Variants in SLC35B1 observed in about 807,000 individuals in gnomAD.
SLC35B1 encodes the protein solute carrier family 35 member B1, also known as ATP/ADP exchanger ER.
In SLC35B1, 27 loss-of-function variants were observed where a neutral mutation model predicts 36.6. The ratio of observed to expected loss-of-function variants is 0.74; its 90% CI spans 0.54 to 1.02. The LOEUF (loss-of-function observed/expected upper bound fraction) is 1.02, where lower values mean the gene tolerates loss of function less well. Among genes scored for constraint, SLC35B1 ranks in the 50% least tolerant of loss-of-function variants. The probability of loss-of-function intolerance (pLI) is 0.00; values close to 1 mark genes in which losing one functional copy is unlikely to be tolerated. For missense variants in SLC35B1, 321 were observed against 383.2 expected (o/e 0.84, Z 1.35); for synonymous variants, 162 against 152.5 (o/e 1.06, Z -0.46).
chr17:49,703,551 A>G (rs887423717), intron 6 of SLC35B1: 1 of 418,434 alleles, frequency 2.4e-6, no homozygotes, highest in African/African-American at 2.0e-5. Flanking sequence ...CTTCTACCAA[A>G]GTGATTACAA....
At chr17:49,705,640 G>T in intron 4 of SLC35B1, 1 of 609,756 alleles carries the variant, frequency 1.6e-6, no homozygotes, top group Non-Finnish European at 2.9e-6. Context: ...GGCTGACCAA[G>T]TGAAGCAGGC....
intron 1 of SLC35B1, 155 bp from the exon 2 acceptor site, chr17:49,707,223 G>C (rs1394731111): frequency 6.6e-6 from 9 of 1,358,912 alleles, no homozygotes; most frequent in Non-Finnish European, 8.9e-6. Context: ...TTGCAAAAGG[G>C]GCTGATTTTA....
At chr17:49,708,127 C>G, upstream of SLC35B1, 1 of 703,056 alleles carries the variant, frequency 1.4e-6, no homozygotes. Flanking sequence ...AGACTGATCC[C>G]TCGCCCTGGA....
chr17:49,703,135 G>C, intron 7 of SLC35B1, 53 bp downstream of exon 7: 27 of 1,587,874 alleles, frequency 1.7e-5, no homozygotes, highest in Non-Finnish European at 2.2e-5. Flanking sequence ...GTCTTTCTTA[G>C]GGAACCAGCT....
rs767643875 is a variant in SLC35B1, at chr17:49,705,183, T to C, written c.469A>G (p.Lys157Glu). 2 of 1,614,176 alleles carry C rather than the reference T, an allele frequency of 1.2e-6. No individual in the cohort carries two copies. Among genetic ancestry groups the C allele is most frequent in the Non-Finnish European group, 1.7e-6 (2 of 1,180,032 alleles). ...TCTATCCCAACAACTTTCTTGGGTT[T>C]GTACATGAAAAGGGCCACTCCAGCC... Reference protein sequence around the residue: ...IVAGVALFMYKPKKVVGIEEH... With the variant: ...IVAGVALFMYEPKKVVGIEEH... Residue 157 changes from lysine to glutamate, a missense_variant, in exon 5 of 9, where the codon AAA (lysine) becomes GAA (glutamate). Physicochemically the swap from Lys to Glu is moderately conservative, Grantham distance 56. Transcript: ENST00000240333.
rs2143647097 is a variant in SLC35B1, at chr17:49,702,892, G to A, written c.882C>T (p.Pro294=). The A allele has an allele frequency of 2.5e-6, 4 of 1,614,152 alleles. No individual in the cohort carries two copies. Among genetic ancestry groups the A allele is most frequent in the Non-Finnish European group, 1.7e-6 (2 of 1,180,022 alleles). The change falls in exon 8 of 9, where the codon CCC becomes CCT. Residue 294 remains proline (P), a synonymous_variant. Transcript: ENST00000240333. ...SVILFANPIS[P]MQWVGTVLVF... is the part of the protein sequence containing the mutation. ...CAAGCACAGTGCCCACCCACTGCAT[G>A]GGGCTGATGGGATTGGCGAAGAGGA... is the stretch of plus-strand genomic sequence containing the variant.
chr17:49,707,964 T>C lies in SLC35B1; in HGVS notation c.-131A>G. 6.5e-7 allele frequency: 1 copy of C among 1,544,030 alleles called. No individual in the cohort carries two copies. The highest frequency in any genetic ancestry group is 8.7e-7 in the Non-Finnish European group (1 of 1,143,362). ...CCTCATAGGAGCTGCATGCGACCGC[T>C]GTCCAGCAGGGCCCAGCAGTCACTA... On this transcript the variant is annotated 5_prime_UTR_variant, in exon 1 of 9. Coordinates refer to ENST00000240333, the MANE Select transcript of SLC35B1 (RefSeq NM_005827.4).
chr17:49,701,334 T>C lies in SLC35B1; in HGVS notation c.*124A>G. 2.7e-6 allele frequency: 2 copies of C among 751,492 alleles called. No individual in the cohort carries two copies. The highest frequency in any genetic ancestry group is 1.7e-5 in the South Asian group (1 of 57,456). 46.6% of individuals were successfully genotyped at this position (751,492 alleles called of 1,614,324 possible). On this transcript the variant is annotated 3_prime_UTR_variant, in exon 9 of 9. Transcript: ENST00000240333. ...TTTTAGAATATGTGATTTTGCTTGA[T>C]TTTATTTTATTAAAAAAGACTGGAA...
Position 49,702,839 on chromosome 17 carries a change from T to A in SLC35B1, c.916+19A>T, listed in dbSNP as rs2073367823. On this transcript the variant is annotated intron_variant, in intron 8 of 8. Transcript: ENST00000240333. ...GAGAAAAAATTCAGCTGTCACTGTG[T>A]CTCTGTGTGGCCACTTACCCAGGAA... 2.5e-6 allele frequency: 4 copies of A among 1,607,996 alleles called. No individual in the cohort carries two copies. The highest frequency in any genetic ancestry group is 1.7e-5 in the Admixed American group (1 of 59,576).
rs1165374445 is a variant in SLC35B1 at position 49,705,097 on chromosome 17, G to T, written c.528+27C>A. 3 of 1,611,992 alleles carry T rather than the reference G, an allele frequency of 1.9e-6. No individual in the cohort carries two copies. The African/African-American group carries it at 4.0e-5, about 22-fold the overall frequency. On this transcript the variant is annotated intron_variant, in intron 5 of 8. Coordinates refer to ENST00000240333, the MANE Select transcript of SLC35B1 (RefSeq NM_005827.4). ...CCTTTGGTTAAGTTTGCTGGAAAAG[G>T]GTGCCTTCCCCAACAGGATCTCATA...
At position 49,706,346 on chromosome 17, in the gene SLC35B1, C is replaced by CAAAAAAAAAAAAAAAA. The variant is rs61136804; in HGVS notation, c.209-28_209-13dup. On this transcript the variant is annotated splice_polypyrimidine_tract_variant and intron_variant, in intron 2 of 8. Coordinates refer to ENST00000240333, the MANE Select transcript of SLC35B1 (RefSeq NM_005827.4). ...AAAAAACTGGATCACTGGGAGAAGA[C>CAAAAAAAAAAAAAAAA]AAAAAAAAAAAAAAAAAAAGAAAAG... 7 of 733,608 alleles carry CAAAAAAAAAAAAAAAA rather than the reference C, an allele frequency of 9.5e-6. No individual in the cohort carries two copies. The highest frequency in any genetic ancestry group is 4.6e-5 in the South Asian group (1 of 21,782). 45.4% of individuals were successfully genotyped at this position (733,608 alleles called of 1,614,324 possible). A position where few individuals can be genotyped will look rare whatever the true frequency, so the allele number is the denominator to read the frequency against.
At chr17:49,701,892 C>T (rs1598007103) in intron 8 of SLC35B1, 1 of 375,576 alleles carries the variant, frequency 2.7e-6, no homozygotes, top group Non-Finnish European at 5.3e-6. Flanking sequence ...GAGTTTAAGG[C>T]CAGCCTAGGC....
At chr17:49,707,155 T>TAA in intron 1 of SLC35B1, 87 bp from the exon 2 acceptor site, 1 of 1,399,136 alleles carries the variant, frequency 7.1e-7, no homozygotes, top group Non-Finnish European at 1.0e-6. Flanking sequence ...CTGAAAACTT[T>TAA]AAAATTATCT....
intron 5 of SLC35B1, 108 bp downstream of exon 5, chr17:49,705,016 G>C: frequency 9.3e-7 from 1 of 1,074,720 alleles, no homozygotes; most frequent in Non-Finnish European, 1.4e-6. Flanking sequence ...GGGACAAGGA[G>C]CACCACAACC....
At chr17:49,708,126 C>G (rs1483227489), upstream of SLC35B1, 1 of 703,110 alleles carries the variant, frequency 1.4e-6, no homozygotes, top group African/African-American at 1.8e-5. Context: ...GAGACTGATC[C>G]CTCGCCCTGG....
At chr17:49,702,483 G>C (rs2073363253) in intron 8 of SLC35B1, 1 of 175,678 alleles carries the variant, frequency 5.7e-6, no homozygotes, top group Non-Finnish European at 1.2e-5. Context: ...TGTAATCCCA[G>C]CACTCTGGGA....
intron 1 of SLC35B1, 70 bp downstream of exon 1, chr17:49,707,660 G>A: frequency 6.5e-7 from 1 of 1,543,900 alleles, no homozygotes. Flanking sequence ...CCCGGGTCCA[G>A]AGGCAGAAGG....
upstream of SLC35B1, chr17:49,708,000 C>T: frequency 7.0e-7 from 1 of 1,419,042 alleles, no homozygotes; most frequent in Non-Finnish European, 9.6e-7. Flanking sequence ...CCAGAACTGC[C>T]GGCTCATGGC....
chr17:49,707,691 C>T (rs745343184), intron 1 of SLC35B1, 39 bp downstream of exon 1: 3 of 1,598,544 alleles, frequency 1.9e-6, no homozygotes, highest in Admixed American at 1.7e-5. Flanking sequence ...CTGTCACAGG[C>T]TGGGGAGAGA....
Sources: allele counts gnomAD v4.1 joint callset, GRCh38; gene constraint gnomAD v4.1.1; transcripts MANE v1.5; gene names NCBI Gene and HGNC (gene_info 2026-07-23, HGNC 2026-07-21).